Variants in RBFOX1 observed in about 807,000 individuals in gnomAD.
RBFOX1 encodes RNA binding protein fox-1 homolog 1.
RBFOX1 carries 8 observed loss-of-function variants against 57.7 expected under a neutral mutation model. The observed-to-expected ratio is 0.14, with a 90% CI of 0.08 to 0.25. RBFOX1 has a LOEUF of 0.25. RBFOX1 is among the 10% of genes least tolerant of loss of function. The pLI is 1.00. For synonymous variants in RBFOX1, 326 were observed against 222.4 expected (o/e 1.47, Z -4.15); for missense variants, 611 against 548.5 (o/e 1.11, Z -1.14).
chr16:6,117,853 C>G (rs1360068675), intron 1 of RBFOX1, among the ~76,000 whole-genome samples: 2 of 152,164 alleles, frequency 1.3e-5, no homozygotes, highest in Non-Finnish European at 2.9e-5. Context: ...ATGTATTCTA[C>G]TTCCCCTAAT....
intron 3 of RBFOX1, among the ~76,000 whole-genome samples, chr16:6,916,506 T>A (rs2073195313): frequency 6.6e-6 from 1 of 151,994 alleles, no homozygotes; most frequent in Non-Finnish European, 1.5e-5. Flanking sequence ...TTTTTAATTG[T>A]CATTCTACGA....
chr16:5,409,824 C>A (rs550699195), intron 1 of RBFOX1, among the ~76,000 whole-genome samples: 3 of 151,808 alleles, frequency 2.0e-5, no homozygotes, highest in East Asian at 3.9e-4. Context: ...CCGAGGTGGG[C>A]AGATCATGAG....
At chr16:7,115,613 A>T (rs1204105817) in intron 4 of RBFOX1, among the ~76,000 whole-genome samples, 1 of 152,224 alleles carries the variant, frequency 6.6e-6, no homozygotes, top group Admixed American at 6.5e-5. Flanking sequence ...ACCTCTGGAA[A>T]GGTGTCTTGG....
In RBFOX1 at chr16:5,887,019, G is replaced by A. The variant is rs192960860; in HGVS notation, c.351+19684G>A. 1.2e-3 allele frequency among the ~76,000 whole-genome samples: 184 copies of A among 152,274 alleles called. 1 individual carries two copies. Among genetic ancestry groups the A allele is most frequent in the Middle Eastern group, 3.4e-3 (1 of 294 alleles). ...GTTGTGGGGAGCTGTCCTGTGCATT[G>A]CAGAATGTTTACCATCATTCCCGGC... On this transcript the variant is annotated intron_variant, in intron 4 of 19. Transcript: ENST00000641259.
intron 2 of RBFOX1, among the ~76,000 whole-genome samples, chr16:5,503,284 G>C (rs928929681): frequency 3.3e-5 from 5 of 152,202 alleles, no homozygotes; most frequent in Admixed American, 6.5e-5. Flanking sequence ...ATTACGGACA[G>C]AGAGTTGTAC....
chr16:7,503,385 C>A (rs895283357), intron 4 of RBFOX1, among the ~76,000 whole-genome samples: 13 of 152,154 alleles, frequency 8.5e-5, no homozygotes, highest in Non-Finnish European at 1.5e-4. Flanking sequence ...CCTTTAGAAG[C>A]AGGCAGAGAA....
At chr16:6,892,770 G>GTCTGTC (rs2065781044) in intron 3 of RBFOX1, among the ~76,000 whole-genome samples, 2 of 91,782 alleles carry the variant, frequency 2.2e-5, no homozygotes, top group African/African-American at 9.5e-5. Context: ...AAGCCTCCCT[G>GTCTGTC]TCTCCCTCTC....
chr16:5,350,214 G>A (rs749287330), intron 1 of RBFOX1, among the ~76,000 whole-genome samples: 1 of 152,174 alleles, frequency 6.6e-6, no homozygotes, highest in Non-Finnish European at 1.5e-5. Context: ...GGTTAGTGTG[G>A]GAGCCCCTTT....
intron 2 of RBFOX1, among the ~76,000 whole-genome samples, chr16:6,492,775 G>A (rs1358505575): frequency 1.3e-5 from 2 of 152,168 alleles, no homozygotes; most frequent in Non-Finnish European, 2.9e-5. Context: ...GAATGAAGTG[G>A]ATTTGCCTGG....
chr16:7,130,053 G>C (rs1304905040), intron 4 of RBFOX1, among the ~76,000 whole-genome samples: 1 of 132,664 alleles, frequency 7.5e-6, no homozygotes, highest in Admixed American at 7.7e-5. Flanking sequence ...TTTTTTTTGA[G>C]ACAGAGCCTA....
At chr16:7,414,678 T>A in intron 4 of RBFOX1, among the ~76,000 whole-genome samples, 1 of 152,212 alleles carries the variant, frequency 6.6e-6, no homozygotes, top group East Asian at 1.9e-4. Context: ...AGTGTGGTGA[T>A]GCGATCTCAG....
chr16:6,824,950 T>A (rs1204578037), intron 3 of RBFOX1, among the ~76,000 whole-genome samples: 1 of 148,216 alleles, frequency 6.7e-6, no homozygotes, highest in Non-Finnish European at 1.5e-5. Flanking sequence ...TGCATCCTTC[T>A]ACACTGAGGA....
At chr16:5,958,772 C>T (rs941012477) in intron 4 of RBFOX1, among the ~76,000 whole-genome samples, 1 of 152,182 alleles carries the variant, frequency 6.6e-6, no homozygotes, top group Non-Finnish European at 1.5e-5. Flanking sequence ...TAGCTTCTGG[C>T]ACCCACCCAC....
chr16:5,344,140 A>G (rs1235695379), intron 1 of RBFOX1, among the ~76,000 whole-genome samples: 1 of 152,166 alleles, frequency 6.6e-6, no homozygotes, highest in Non-Finnish European at 1.5e-5. Context: ...TTCAGAACTG[A>G]GTCTTTACCT....
chr16:6,594,394 G>A (rs1600903365), intron 2 of RBFOX1, among the ~76,000 whole-genome samples: 2 of 152,270 alleles, frequency 1.3e-5, no homozygotes, highest in South Asian at 4.1e-4. Context: ...TATAAATGGT[G>A]GCTGACTTTC....
At chr16:6,587,627 G>C (rs1412356633) in intron 2 of RBFOX1, among the ~76,000 whole-genome samples, 2 of 152,130 alleles carry the variant, frequency 1.3e-5, no homozygotes, top group African/African-American at 2.4e-5. Context: ...GAAGAAGCTA[G>C]ACCATGACAG....
chr16:7,554,132 TC>T (rs1201456614), intron 5 of RBFOX1, among the ~76,000 whole-genome samples: 1 of 152,120 alleles, frequency 6.6e-6, no homozygotes, highest in East Asian at 1.9e-4. Flanking sequence ...ATGACCCAGA[TC>T]CTATTCTCTC....
chr16:6,799,776 G>A (rs117646205), intron 3 of RBFOX1, among the ~76,000 whole-genome samples: 1 of 152,024 alleles, frequency 6.6e-6, no homozygotes, highest in Non-Finnish European at 1.5e-5. Context: ...CCTTTGGACC[G>A]CTGGACTTAA....
At chr16:7,710,381 C>G (rs1040082477) in intron 15 of RBFOX1, 1 of 1,367,060 alleles carries the variant, frequency 7.3e-7, no homozygotes, top group South Asian at 1.8e-5. Flanking sequence ...TAATAGAGTC[C>G]TTTTAGCTAA....
Sources: allele counts gnomAD v4.1 joint callset (sites outside exome capture counted in the v4.1 genomes callset), GRCh38; gene constraint gnomAD v4.1.1; transcripts MANE v1.5; gene names NCBI Gene and HGNC (gene_info 2026-07-23, HGNC 2026-07-21).